Variants in FLT4 observed in about 807,000 individuals in gnomAD.
FLT4 encodes the protein vascular endothelial growth factor receptor 3.
A neutral mutation model predicts 163.2 loss-of-function variants in FLT4; 30 were observed. That is an observed-to-expected ratio of 0.18 (90% confidence interval 0.14 to 0.25). The LOEUF is 0.25. Ranked by LOEUF, FLT4 falls within the 10% of genes least tolerant of loss-of-function variation. FLT4 has a pLI of 1.00. For synonymous variants in FLT4, 884 were observed against 789.5 expected, an observed-to-expected ratio of 1.12 and a Z score of -2.01; for missense variants, 1,510 against 1,863.8, an observed-to-expected ratio of 0.81 and a Z score of 3.50.
Position 180,626,184 on chromosome 5 carries a change from G to T in FLT4, c.1185C>A (p.Gly395=). The change falls in exon 9 of 30, where the codon GGC becomes GGA. Residue 395 remains glycine (G), a synonymous_variant. Transcript: ENST00000261937. ...VLKEVTEAST[G]TYTLALWNSA... ...AGTTCCACAGGGCGAGGGTGTAGGT[G>T]CCTGTGCTGGCCTCTGTCACCTCCT... The T allele has an allele frequency of 6.2e-7, 1 of 1,612,738 alleles. No homozygotes were observed. The highest frequency in any genetic ancestry group is 8.5e-7 in the Non-Finnish European group (1 of 1,179,956).
At position 180,616,373 on chromosome 5, in the gene FLT4, C is replaced by T; in HGVS notation, c.3213G>A (p.Lys1071=). Residue 1071 remains lysine, a synonymous_variant, in exon 23 of 30, where the codon AAG becomes AAA. Coordinates refer to ENST00000261937, the MANE Select transcript of FLT4 (RefSeq NM_182925.5). Reference sequence around the variant, plus strand: ...CTCAATGGCCTGCACTCACACTGCCCTTGCGGACGTAGTCGGGGTCTTTGT... The same window carrying T: ...CTCAATGGCCTGCACTCACACTGCCTTTGCGGACGTAGTCGGGGTCTTTGT... ...DIYKDPDYVR[K]GSARLPLKWM... is the part of the protein sequence containing the mutation. 6.2e-7 allele frequency: 1 copy of T among 1,613,998 alleles called. No individual in the cohort carries two copies.
intron 1 of FLT4, among the ~76,000 whole-genome samples, chr5:180,645,296 G>A (rs1207140809): frequency 5.3e-5 from 8 of 152,256 alleles, no homozygotes; most frequent in Non-Finnish European, 8.8e-5. Flanking sequence ...AGACCAGGAG[G>A]AGGGGGCCTG....
At chr5:180,628,559 C>A (rs1249365329) in intron 8 of FLT4, among the ~76,000 whole-genome samples, 2 of 152,232 alleles carry the variant, frequency 1.3e-5, no homozygotes, top group African/African-American at 4.8e-5. Flanking sequence ...AGGGCAGGCC[C>A]TGGAGATTCT....
chr5:180,637,536 T>C (rs1764782570), intron 1 of FLT4, among the ~76,000 whole-genome samples: 1 of 151,980 alleles, frequency 6.6e-6, no homozygotes, highest in Admixed American at 6.6e-5. Context: ...ATCGTTTTTG[T>C]TTGTTTGTTT....
At chr5:180,629,522 C>A in intron 6 of FLT4, 95 bp from the exon 7 acceptor site, 1 of 1,529,798 alleles carries the variant, frequency 6.5e-7, no homozygotes, top group Non-Finnish European at 8.9e-7. Flanking sequence ...GCGGTGGCTC[C>A]GGAAGCCCTG....
At chr5:180,638,539 A>G (rs1400088729) in intron 1 of FLT4, among the ~76,000 whole-genome samples, 2 of 152,170 alleles carry the variant, frequency 1.3e-5, no homozygotes, top group Non-Finnish European at 2.9e-5. Context: ...TTTAAAAAGC[A>G]CAGGCCTGAT....
chr5:180,617,861 G>A (rs1762786460), intron 21 of FLT4, among the ~76,000 whole-genome samples: 1 of 75,938 alleles, frequency 1.3e-5, no homozygotes, highest in Admixed American at 1.2e-4. Context: ...CAACCTCTGG[G>A]ACACCCACGT....
rs760927116 is a variant in FLT4 at position 180,630,177 on chromosome 5, AG to A, written c.513+47del. ...GGCCAGACAGGCGGCCGCCTTTCCCAGGGGTGGGATGGGAGGGTCGGATGCT... is the reference window on the plus strand; with the variant it reads ...GGCCAGACAGGCGGCCGCCTTTCCCAGGGTGGGATGGGAGGGTCGGATGCT... On this transcript the variant is annotated intron_variant, in intron 4 of 29. Coordinates refer to ENST00000261937, the MANE Select transcript of FLT4 (RefSeq NM_182925.5). This position sits in a 1 kb window ranked among gnomAD's most constrained non-coding sequence, Gnocchi z 6.3. 1.9e-4 allele frequency: 115 copies of A among 599,394 alleles called. 1 individual carries two copies. The highest frequency in any genetic ancestry group is 1.7e-3 in the South Asian group (108 of 64,954). The allele number at this position is 599,394 out of a possible 1,614,324, so 37.1% of individuals were successfully genotyped here. A position where few individuals can be genotyped will look rare whatever the true frequency, so the allele number is the denominator to read the frequency against.
At chr5:180,603,766 T>A (rs554785891) in intron 29 of FLT4, among the ~76,000 whole-genome samples, 17 of 151,792 alleles carry the variant, frequency 1.1e-4, no homozygotes, top group Admixed American at 9.8e-4. Context: ...TAGCCGGGCG[T>A]GGTGGCGGGC....
chr5:180,620,550 G>A lies in FLT4; in HGVS notation c.2406+59C>T. ...GGGCACCTTATTCTTTATCTTAGGGGCGGCCAGGGTGGGGAAGGCCTGAGA... is the reference window on the plus strand; with the variant it reads ...GGGCACCTTATTCTTTATCTTAGGGACGGCCAGGGTGGGGAAGGCCTGAGA... On this transcript the variant is annotated intron_variant, in intron 16 of 29. Transcript: ENST00000261937. This position sits in a 1 kb window ranked among gnomAD's most constrained non-coding sequence, Gnocchi z 4.4. 4 of 1,375,406 alleles carry A rather than the reference G, an allele frequency of 2.9e-6. No homozygotes were observed. The East Asian group carries it at 6.9e-5, about 24-fold the overall frequency. 85.2% of individuals were successfully genotyped at this position (1,375,406 alleles called of 1,614,324 possible).
chr5:180,645,215 G>C (rs928256344), intron 1 of FLT4, among the ~76,000 whole-genome samples: 77 of 152,364 alleles, frequency 5.1e-4, no homozygotes, highest in African/African-American at 1.7e-3. Flanking sequence ...TGGAAACAGG[G>C]AGTGGTGATG....
At chr5:180,648,232 C>T (rs540065035) in intron 1 of FLT4, among the ~76,000 whole-genome samples, 104 of 152,332 alleles carry the variant, frequency 6.8e-4, no homozygotes, top group Non-Finnish European at 1.1e-3. Context: ...CTGCCCGACT[C>T]GGAGGCCCAG....
chr5:180,639,504 ATGGC>A (rs1434867915), intron 1 of FLT4, among the ~76,000 whole-genome samples: 1 of 151,776 alleles, frequency 6.6e-6, no homozygotes, highest in Non-Finnish European at 1.5e-5. Context: ...GGATGAACGA[ATGGC>A]TGGATGGAAG....
In FLT4 at chr5:180,609,896, G is replaced by A; in HGVS notation, c.3807+9C>T. 2 of 1,614,002 alleles carry A rather than the reference G, an allele frequency of 1.2e-6. No individual in the cohort carries two copies. The highest frequency in any genetic ancestry group is 1.7e-6 in the Non-Finnish European group (2 of 1,179,914). On this transcript the variant is annotated intron_variant, in intron 28 of 29. Transcript: ENST00000261937. ...CGAGAGCGCAGCCCCCACCCTTCAT[G>A]TGAAGTACCACAGAGCCTTTGTAGG... is the stretch of plus-strand genomic sequence containing the variant.
chr5:180,634,502 A>C (rs1354244326), intron 1 of FLT4, among the ~76,000 whole-genome samples: 1 of 151,954 alleles, frequency 6.6e-6, no homozygotes, highest in Non-Finnish European at 1.5e-5. Flanking sequence ...GGAGATTGAG[A>C]CCATCCTGGC....
chr5:180,625,935 A>C lies in FLT4; in HGVS notation c.1355T>G (p.Leu452Arg). 1.7e-5 allele frequency: 28 copies of C among 1,612,738 alleles called. No individual in the cohort carries two copies. The highest frequency in any genetic ancestry group is 2.4e-5 in the Non-Finnish European group (28 of 1,179,956). ...CCAGTGCCACTGGATGCTGAGAGGC[A>C]GGGGCACCCCGTAGGCCGTGCAGGT... The part of the protein sequence containing the change: ...ALTCTAYGVP[L>R]PLSIQWHWRP... The change falls in exon 10 of 30, where the codon CTG (leucine) becomes CGG (arginine). Residue 452 changes from leucine (L) to arginine (R), a missense_variant. Transcript: ENST00000261937.
chr5:180,607,966 C>T, intron 29 of FLT4: 1 of 625,840 alleles, frequency 1.6e-6, no homozygotes, highest in Non-Finnish European at 2.9e-6. Context: ...GCACCTGTTA[C>T]TCAGCAGACC....
chr5:180,611,219 C>T, intron 27 of FLT4, 112 bp downstream of exon 27: 1 of 1,303,274 alleles, frequency 7.7e-7, no homozygotes. Context: ...TTTGTGCACA[C>T]TGGCCTCTGA....
Position 180,619,382 on chromosome 5 carries a change from G to C in FLT4, c.2648-16C>G. ...GTGGCGCCCTCTGGAGGGGACACGGGCCTCACACCGGCCCCGACCCTGGCA... is the reference window on the plus strand; with the variant it reads ...GTGGCGCCCTCTGGAGGGGACACGGCCCTCACACCGGCCCCGACCCTGGCA... On this transcript the variant is annotated splice_polypyrimidine_tract_variant and intron_variant, in intron 18 of 29. Coordinates refer to ENST00000261937, the MANE Select transcript of FLT4 (RefSeq NM_182925.5). 1 of 1,583,948 alleles carries C rather than the reference G, an allele frequency of 6.3e-7. No homozygotes were observed. Among genetic ancestry groups the C allele is most frequent in the Non-Finnish European group, 8.6e-7 (1 of 1,159,346 alleles).
Sources: gnomAD v4.1 joint callset for allele counts (sites outside exome capture counted in the v4.1 genomes callset) on GRCh38, gnomAD v4.1.1 for gene constraint, Gnocchi (gnomAD v3.1) non-coding constraint, MANE v1.5 for transcripts, NCBI Gene and HGNC (gene_info 2026-07-23, HGNC 2026-07-21) for gene names.